The following NALCN variants were observed in gnomAD, a reference collection of about 807,000 sequenced individuals.
NALCN encodes sodium leak channel NALCN.
A neutral mutation model predicts 225.3 loss-of-function variants in NALCN; 111 were observed. That is an observed-to-expected ratio of 0.49 (90% CI 0.42 to 0.58). The LOEUF is 0.58. Ranked by LOEUF, NALCN falls within the 20% of genes least tolerant of loss-of-function variation. NALCN has a pLI of 0.00. For missense variants in NALCN, 1,378 were observed against 2,202.4 expected (o/e 0.63, Z 7.49); for synonymous variants, 764 against 769.0 (o/e 0.99, Z 0.11).
At chr13:101,289,854 T>C (rs765729427) in intron 9 of NALCN, among the ~76,000 whole-genome samples, 7 of 152,202 alleles carry the variant, frequency 4.6e-5, no homozygotes, top group African/African-American at 1.2e-4. Context: ...AATAGCATCA[T>C]GGCAAATTAT....
chr13:101,343,197 G>A (rs571472586), intron 7 of NALCN, among the ~76,000 whole-genome samples: 2 of 152,052 alleles, frequency 1.3e-5, no homozygotes, highest in Non-Finnish European at 2.9e-5. Context: ...TATCTACAGA[G>A]ATACATAATA....
intron 7 of NALCN, among the ~76,000 whole-genome samples, chr13:101,303,793 A>G (rs975234667): frequency 6.6e-6 from 1 of 152,164 alleles, no homozygotes; most frequent in African/African-American, 2.4e-5. Context: ...TTGGCCAGCA[A>G]TCATACCTTT....
intron 14 of NALCN, among the ~76,000 whole-genome samples, chr13:101,180,100 A>G (rs1295414363): frequency 6.6e-6 from 1 of 151,986 alleles, no homozygotes; most frequent in East Asian, 1.9e-4. Context: ...TTACATCTGC[A>G]AAGACTCTTT....
At chr13:101,351,837 C>A (rs1425496554) in intron 6 of NALCN, among the ~76,000 whole-genome samples, 1 of 152,182 alleles carries the variant, frequency 6.6e-6, no homozygotes, top group Non-Finnish European at 1.5e-5. Flanking sequence ...TCACCAACGA[C>A]AAAGGCAATA....
intron 13 of NALCN, among the ~76,000 whole-genome samples, chr13:101,207,643 A>G (rs2040362833): frequency 6.6e-6 from 1 of 152,160 alleles, no homozygotes; most frequent in Non-Finnish European, 1.5e-5. Flanking sequence ...TAAATGCACC[A>G]ATCAGCACTC....
chr13:101,150,751 A>T (rs2037607632), intron 15 of NALCN, among the ~76,000 whole-genome samples: 1 of 131,374 alleles, frequency 7.6e-6, no homozygotes, highest in Admixed American at 8.2e-5. Context: ...ATATTATAAG[A>T]AGTGGTTATG....
chr13:101,149,290 CAAAAAA>C (rs57870899), intron 15 of NALCN, among the ~76,000 whole-genome samples: 50 of 142,198 alleles, frequency 3.5e-4, no homozygotes, highest in South Asian at 4.4e-4. Flanking sequence ...GAGACTGTCT[CAAAAAA>C]AAAAAAAAAA....
intron 3 of NALCN, among the ~76,000 whole-genome samples, chr13:101,383,947 AG>A (rs1375539711): frequency 6.6e-6 from 1 of 152,242 alleles, no homozygotes; most frequent in Non-Finnish European, 1.5e-5. Flanking sequence ...AGGCACAATA[AG>A]TTTATAATAC....
rs978459962 is a variant in NALCN at position 101,054,180 on chromosome 13, A to G, written c.*1115T>C. The G allele has an allele frequency of 7.9e-5, 12 of 152,216 alleles. No individual in the cohort carries two copies. Among genetic ancestry groups the G allele is most frequent in the African/African-American group, 2.4e-4 (10 of 41,456 alleles). The allele number at this position is 152,216 out of a possible 1,614,324, so 9.4% of individuals were successfully genotyped here. ...CACTTTGTAATCATTTTGCTTTTCT[A>G]ATTTTCCCGGAGGACATGGGCCATT... On this transcript the variant is annotated 3_prime_UTR_variant, in exon 44 of 44. Coordinates refer to ENST00000251127, the MANE Select transcript of NALCN (RefSeq NM_052867.4).
intron 13 of NALCN, among the ~76,000 whole-genome samples, chr13:101,226,410 G>A (rs1398655844): frequency 6.6e-6 from 1 of 152,118 alleles, no homozygotes; most frequent in Non-Finnish European, 1.5e-5. Context: ...CCCCTCTAAA[G>A]TTTATTCTCC....
chr13:101,378,995 C>T (rs1483037869), intron 3 of NALCN, among the ~76,000 whole-genome samples: 1 of 151,990 alleles, frequency 6.6e-6, no homozygotes, highest in Non-Finnish European at 1.5e-5. Context: ...TCCCTGCCTA[C>T]AAGAACCAAG....
chr13:101,406,292 C>T (rs2139536985), intron 1 of NALCN, among the ~76,000 whole-genome samples: 1 of 152,080 alleles, frequency 6.6e-6, no homozygotes, highest in African/African-American at 2.4e-5. Context: ...TACTACTGCC[C>T]CTCAGCCTGG....
intron 9 of NALCN, among the ~76,000 whole-genome samples, chr13:101,286,575 A>G (rs2139021505): frequency 6.6e-6 from 1 of 152,314 alleles, no homozygotes; most frequent in Middle Eastern, 3.4e-3. Flanking sequence ...CTCCAACTTT[A>G]TATGAGAGAG....
intron 10 of NALCN, among the ~76,000 whole-genome samples, chr13:101,259,682 T>C (rs1311212593): frequency 1.3e-5 from 2 of 150,058 alleles, no homozygotes; most frequent in Admixed American, 6.7e-5. Context: ...GGTTACTATG[T>C]TCCAGGCCAT....
intron 30 of NALCN, among the ~76,000 whole-genome samples, chr13:101,086,492 T>G (rs1195253108): frequency 6.6e-6 from 1 of 152,056 alleles, no homozygotes; most frequent in African/African-American, 2.4e-5. Context: ...TTTTTTGTTT[T>G]TGTTTTCATT....
At chr13:101,199,796 A>C (rs1254717720) in intron 13 of NALCN, among the ~76,000 whole-genome samples, 6 of 152,120 alleles carry the variant, frequency 3.9e-5, no homozygotes, top group African/African-American at 1.4e-4. Context: ...TTAGAGTATA[A>C]ATAAATATAT....
At chr13:101,157,289 C>T (rs1219805997) in intron 15 of NALCN, among the ~76,000 whole-genome samples, 1 of 152,186 alleles carries the variant, frequency 6.6e-6, no homozygotes, top group African/African-American at 2.4e-5. Flanking sequence ...CACTGATATA[C>T]TGGAAACAAT....
chr13:101,101,834 C>G (rs2034839022), intron 26 of NALCN, among the ~76,000 whole-genome samples: 1 of 152,098 alleles, frequency 6.6e-6, no homozygotes, highest in South Asian at 2.1e-4. Context: ...AAACATATAC[C>G]TAAGTGTACT....
At chr13:101,245,339 G>A (rs1487519018) in intron 11 of NALCN, among the ~76,000 whole-genome samples, 1 of 152,010 alleles carries the variant, frequency 6.6e-6, no homozygotes, top group Non-Finnish European at 1.5e-5. Flanking sequence ...TAGAAACAAT[G>A]CATAGAAAAG....
Sources: gnomAD v4.1 joint callset for allele counts (sites outside exome capture counted in the v4.1 genomes callset) on GRCh38, gnomAD v4.1.1 for gene constraint, MANE v1.5 for transcripts, NCBI Gene and HGNC (gene_info 2026-07-23, HGNC 2026-07-21) for gene names.